Variants in CSMD1 observed in about 807,000 individuals in gnomAD.
CSMD1 encodes the protein CUB and sushi domain-containing protein 1.
Under a neutral mutation model 417.5 loss-of-function variants are expected in CSMD1, and 213 were observed. The observed-to-expected ratio is 0.51, with a 90% CI of 0.46 to 0.57. The LOEUF (loss-of-function observed/expected upper bound fraction) is 0.57, where lower values mean the gene tolerates loss of function less well. CSMD1 is among the 20% of genes least tolerant of loss of function. The pLI is 0.00. For synonymous variants in CSMD1, 2,862 were observed against 1,736.8 expected (o/e 1.65, Z -16.11); for missense variants, 6,923 against 4,529.7 (o/e 1.53, Z -15.17).
In CSMD1 at chr8:3,396,334, G is replaced by A. The variant is rs1342982807; in HGVS notation, c.2453C>T (p.Pro818Leu). The change falls in exon 17 of 70, where the codon CCA becomes CTA. Residue 818 changes from proline (P) to leucine (L), a missense_variant. By Grantham distance (98) the Pro-to-Leu change is moderately conservative. Transcript: ENST00000635120. ...GCCGATCAGTGGGGACGAACTGGCT[G>A]GCCCATCTCTGACCTCCAAGGTGTC... ...NYDTLEVRDG[P>L]ASSSPLIGEY... 7 of 1,607,310 alleles carry A rather than the reference G, an allele frequency of 4.4e-6. No individual in the cohort carries two copies. Among genetic ancestry groups the A allele is most frequent in the Non-Finnish European group, 5.1e-6 (6 of 1,176,922 alleles).
rs184800809 is a variant in CSMD1, at chr8:3,829,470, C to T, written c.819-75428G>A. ...TTCAGGTTATCTGCAGAGCCCTTGC[C>T]GCCACCCTGCTGTTCTTGAGTATTT... On this transcript the variant is annotated intron_variant, in intron 5 of 69. Transcript: ENST00000635120. Among the ~76,000 whole-genome samples, 16 of 152,170 alleles carry T rather than the reference C, an allele frequency of 1.1e-4. No individual in the cohort carries two copies. In the East Asian group the frequency reaches 3.1e-3, roughly 29 times the overall value.
At chr8:3,665,999 T>A (rs1394454790) in intron 7 of CSMD1, among the ~76,000 whole-genome samples, 2 of 152,140 alleles carry the variant, frequency 1.3e-5, no homozygotes, top group African/African-American at 4.8e-5. Context: ...TGCCTTAGCC[T>A]CCTCCTGCCT....
intron 3 of CSMD1, among the ~76,000 whole-genome samples, chr8:4,327,421 T>C (rs764571161): frequency 4.6e-5 from 7 of 152,168 alleles, no homozygotes; most frequent in Non-Finnish European, 1.0e-4. Context: ...TGCAGAACAC[T>C]GGCACAATCA....
At chr8:3,702,938 G>A (rs1359018964) in intron 7 of CSMD1, among the ~76,000 whole-genome samples, 1 of 152,208 alleles carries the variant, frequency 6.6e-6, no homozygotes, top group Non-Finnish European at 1.5e-5. Flanking sequence ...AAGAAAATGG[G>A]GGATGGGTGC....
chr8:3,550,621 C>T (rs546454133), intron 10 of CSMD1, among the ~76,000 whole-genome samples: 1 of 152,134 alleles, frequency 6.6e-6, no homozygotes, highest in African/African-American at 2.4e-5. Context: ...CAGTCTCCAC[C>T]CCTTTGCCTA....
chr8:4,057,232 G>C (rs572564673), intron 3 of CSMD1, among the ~76,000 whole-genome samples: 1,798 of 152,248 alleles, frequency 0.012, 23 homozygotes, highest in African/African-American at 0.041. Context: ...ATTCTAACTG[G>C]TGTGAGATGG....
chr8:3,896,337 C>T (rs887654565), intron 5 of CSMD1, among the ~76,000 whole-genome samples: 1 of 152,168 alleles, frequency 6.6e-6, no homozygotes, highest in African/African-American at 2.4e-5. Context: ...CATATACTCA[C>T]TTTGCTGAAT....
chr8:4,445,907 A>T (rs559228690), intron 2 of CSMD1, among the ~76,000 whole-genome samples: 44 of 152,304 alleles, frequency 2.9e-4, no homozygotes, highest in African/African-American at 9.4e-4. Context: ...GGATGCAGGG[A>T]CGTGACCTGG....
intron 1 of CSMD1, among the ~76,000 whole-genome samples, chr8:4,838,557 G>C (rs1228785737): frequency 6.6e-6 from 1 of 152,202 alleles, no homozygotes; most frequent in Non-Finnish European, 1.5e-5. Flanking sequence ...GCTTACACCT[G>C]GGTGGGGGTG....
chr8:3,278,602 T>C (rs1802487311), intron 26 of CSMD1: 2 of 152,314 alleles, frequency 1.3e-5, no homozygotes, highest in South Asian at 4.1e-4. Context: ...AATTATAAAA[T>C]TAGCATGGTT....
At chr8:4,162,252 C>A (rs973054796) in intron 3 of CSMD1, among the ~76,000 whole-genome samples, 9 of 152,126 alleles carry the variant, frequency 5.9e-5, no homozygotes, top group African/African-American at 2.2e-4. Flanking sequence ...AAACATTCTG[C>A]AATAAAATGT....
At chr8:4,775,696 G>C (rs565494210) in intron 1 of CSMD1, among the ~76,000 whole-genome samples, 1 of 152,280 alleles carries the variant, frequency 6.6e-6, no homozygotes, top group South Asian at 2.1e-4. Context: ...GACCAAGGCA[G>C]CGTCTGTCAT....
At chr8:4,069,576 G>A (rs1335011766) in intron 3 of CSMD1, among the ~76,000 whole-genome samples, 1 of 152,194 alleles carries the variant, frequency 6.6e-6, no homozygotes, top group Non-Finnish European at 1.5e-5. Context: ...CATCCATGCA[G>A]ATGTATCTTG....
At chr8:4,067,136 G>A (rs1278507217) in intron 3 of CSMD1, among the ~76,000 whole-genome samples, 1 of 152,206 alleles carries the variant, frequency 6.6e-6, no homozygotes, top group Admixed American at 6.5e-5. Context: ...GTCACTTCAT[G>A]CAAAACCAAA....
chr8:3,764,124 C>G (rs12680776), intron 5 of CSMD1, among the ~76,000 whole-genome samples: 29,996 of 152,102 alleles, frequency 0.2, 3,409 homozygotes, highest in South Asian at 0.28. Context: ...GCGACCAAAG[C>G]AGGGCTCAGG....
intron 14 of CSMD1, 44 bp from the exon 15 acceptor site, chr8:3,406,265 T>C: frequency 6.8e-7 from 1 of 1,464,136 alleles, no homozygotes. Context: ...AATACTTGAG[T>C]ATTAATTACA....
At chr8:4,046,862 G>A (rs1292288228) in intron 3 of CSMD1, among the ~76,000 whole-genome samples, 2 of 152,082 alleles carry the variant, frequency 1.3e-5, no homozygotes, top group Admixed American at 6.5e-5. Context: ...AATTCTTCCA[G>A]GAGCCCCACA....
chr8:4,658,660 C>T (rs1000415866), intron 1 of CSMD1, among the ~76,000 whole-genome samples: 1 of 151,936 alleles, frequency 6.6e-6, no homozygotes, highest in East Asian at 1.9e-4. Flanking sequence ...AAAGCAATGC[C>T]GTTAGAAAAA....
At chr8:4,241,096 G>T (rs542623340) in intron 3 of CSMD1, among the ~76,000 whole-genome samples, 7 of 152,006 alleles carry the variant, frequency 4.6e-5, no homozygotes, top group Non-Finnish European at 1.0e-4. Context: ...CCTCTACATA[G>T]AATCCTCTAA....
Sources: allele counts gnomAD v4.1 joint callset (sites outside exome capture counted in the v4.1 genomes callset), GRCh38; gene constraint gnomAD v4.1.1; transcripts MANE v1.5; gene names NCBI Gene and HGNC (gene_info 2026-07-23, HGNC 2026-07-21).